Variants in INVS observed in about 807,000 individuals in gnomAD.
INVS encodes inversin, also known as inversion of embryo turning homolog.
INVS carries 86 observed loss-of-function variants against 108.8 expected under a neutral mutation model. That is an observed-to-expected ratio of 0.79 (90% CI 0.66 to 0.95). The LOEUF (loss-of-function observed/expected upper bound fraction) is 0.95, where lower values mean the gene tolerates loss of function less well. INVS is among the 40% of genes least tolerant of loss of function. The pLI is 0.00. For missense variants in INVS, 1,169 were observed against 1,297.4 expected, an observed-to-expected ratio of 0.90 and a Z score of 1.52; for synonymous variants, 455 against 473.5, an observed-to-expected ratio of 0.96 and a Z score of 0.51.
At chr9:100,190,369 G>A (rs989720624) in intron 3 of INVS, among the ~76,000 whole-genome samples, 2 of 152,074 alleles carry the variant, frequency 1.3e-5, no homozygotes, top group East Asian at 1.9e-4. Context: ...TACATTTAAC[G>A]TTAATATTGA....
At chr9:100,121,275 T>C (rs1219665276) in intron 2 of INVS, among the ~76,000 whole-genome samples, 2 of 152,070 alleles carry the variant, frequency 1.3e-5, no homozygotes, top group East Asian at 3.9e-4. Context: ...ATTTGCAAAA[T>C]CCCTTCATAT....
chr9:100,157,675 A>G (rs944666267), intron 3 of INVS, among the ~76,000 whole-genome samples: 6 of 152,322 alleles, frequency 3.9e-5, no homozygotes, highest in African/African-American at 1.2e-4. Context: ...AAAAAGTTCA[A>G]AAACAGACTT....
In INVS at chr9:100,246,034, A is replaced by T. The variant is rs541139762; in HGVS notation, c.907-582A>T. Among the ~76,000 whole-genome samples the T allele has an allele frequency of 2.1e-4, 32 of 151,362 alleles. No homozygotes were observed. In the East Asian group the frequency reaches 6.1e-3, roughly 29 times the overall value. ...ACAAAAATTAGCCGGGTGTGATGAC[A>T]CTCAGCTACTTGGGAGGCTGAGGCA... is the stretch of plus-strand genomic sequence containing the variant. On this transcript the variant is annotated intron_variant, in intron 7 of 16. Coordinates refer to ENST00000262457, the MANE Select transcript of INVS (RefSeq NM_014425.5).
At position 100,213,264 on chromosome 9, in the gene INVS, T is replaced by C. The variant is rs2118314576; in HGVS notation, c.274-12798T>C. Among the ~76,000 whole-genome samples, 2 of 152,226 alleles carry C rather than the reference T, an allele frequency of 1.3e-5. 1 individual carries two copies. Among genetic ancestry groups the C allele is most frequent in the South Asian group, 4.2e-4 (2 of 4,818 alleles). On this transcript the variant is annotated intron_variant, in intron 3 of 16. Transcript: ENST00000262457. ...GTAGCACTCCTTTTTACCAATATGA[T>C]CAACTTTAGGCTCCTTATCATAACA...
chr9:100,217,932 C>T (rs1352595692), intron 3 of INVS, among the ~76,000 whole-genome samples: 3 of 151,940 alleles, frequency 2.0e-5, no homozygotes, highest in African/African-American at 7.3e-5. Flanking sequence ...TATATACTTC[C>T]TAGGGATAGT....
At chr9:100,295,441 TA>T (rs1588152756) in intron 14 of INVS, among the ~76,000 whole-genome samples, 2 of 152,296 alleles carry the variant, frequency 1.3e-5, no homozygotes. Flanking sequence ...TTGATTCTAT[TA>T]TATTTTAACT....
chr9:100,180,086 A>G (rs996609870), intron 3 of INVS, among the ~76,000 whole-genome samples: 3 of 152,182 alleles, frequency 2.0e-5, no homozygotes, highest in Non-Finnish European at 4.4e-5. Flanking sequence ...GTTCCTTGAA[A>G]CCAATAAGAG....
At chr9:100,253,956 G>C (rs960463093) in intron 10 of INVS, among the ~76,000 whole-genome samples, 2 of 152,140 alleles carry the variant, frequency 1.3e-5, no homozygotes, top group Non-Finnish European at 2.9e-5. Flanking sequence ...GGGTCAAATG[G>C]TATTTCTAGT....
At chr9:100,185,096 G>C (rs1314040269) in intron 3 of INVS, among the ~76,000 whole-genome samples, 2 of 152,086 alleles carry the variant, frequency 1.3e-5, no homozygotes, top group African/African-American at 4.8e-5. Flanking sequence ...TTTCCTTTTT[G>C]AGGGCTTACA....
At chr9:100,287,083 T>C (rs952887654) in intron 13 of INVS, among the ~76,000 whole-genome samples, 1 of 152,238 alleles carries the variant, frequency 6.6e-6, no homozygotes, top group African/African-American at 2.4e-5. Flanking sequence ...CTTCATCTGG[T>C]CTCACTCATG....
intron 1 of INVS, among the ~76,000 whole-genome samples, chr9:100,104,279 G>C (rs1827100340): frequency 6.6e-6 from 1 of 152,078 alleles, no homozygotes; most frequent in Non-Finnish European, 1.5e-5. Context: ...TGCCCAGGCT[G>C]CTCTCAAACT....
At chr9:100,108,159 C>T (rs1827234784) in intron 2 of INVS, among the ~76,000 whole-genome samples, 1 of 152,044 alleles carries the variant, frequency 6.6e-6, no homozygotes, top group African/African-American at 2.4e-5. Flanking sequence ...ATTAAAAACA[C>T]TTATATTTTT....
At chr9:100,271,871 AT>A (rs775899820) in intron 11 of INVS, among the ~76,000 whole-genome samples, 218 of 145,060 alleles carry the variant, frequency 1.5e-3, no homozygotes, top group Middle Eastern at 3.7e-3. Context: ...GGTTTCCGAA[AT>A]TTTTTTTTTT....
At chr9:100,116,107 C>CT (rs200846946) in intron 2 of INVS, among the ~76,000 whole-genome samples, 50 of 128,724 alleles carry the variant, frequency 3.9e-4, no homozygotes, top group Admixed American at 8.7e-4. Context: ...TCTTTTTTTT[C>CT]TTTTTTTTTT....
intron 12 of INVS, among the ~76,000 whole-genome samples, chr9:100,282,734 G>A (rs1443250967): frequency 6.6e-6 from 1 of 152,158 alleles, no homozygotes; most frequent in Non-Finnish European, 1.5e-5. Flanking sequence ...GCTCATGTGT[G>A]AGCAAGGTGG....
At chr9:100,228,908 T>C (rs773029594) in intron 4 of INVS, among the ~76,000 whole-genome samples, 4 of 152,226 alleles carry the variant, frequency 2.6e-5, no homozygotes, top group Non-Finnish European at 4.4e-5. Flanking sequence ...CTGCGGATAG[T>C]GTCAAACCCA....
chr9:100,115,862 A>C (rs1302436276), intron 2 of INVS, among the ~76,000 whole-genome samples: 1 of 152,154 alleles, frequency 6.6e-6, no homozygotes, highest in Non-Finnish European at 1.5e-5. Flanking sequence ...ATCCCTCAGG[A>C]ATCGCCACAC....
intron 10 of INVS, among the ~76,000 whole-genome samples, chr9:100,255,139 T>C (rs1832373788): frequency 6.6e-6 from 1 of 152,188 alleles, no homozygotes; most frequent in Middle Eastern, 3.2e-3. Flanking sequence ...TCACATCCCT[T>C]GTAAGCTGGA....
At chr9:100,198,915 C>A (rs1830462851) in intron 3 of INVS, among the ~76,000 whole-genome samples, 1 of 152,014 alleles carries the variant, frequency 6.6e-6, no homozygotes, top group African/African-American at 2.4e-5. Context: ...TATATAATGT[C>A]CCTCAATTTG....
Sources: gnomAD v4.1 joint callset for allele counts (sites outside exome capture counted in the v4.1 genomes callset) on GRCh38, gnomAD v4.1.1 for gene constraint, MANE v1.5 for transcripts, NCBI Gene and HGNC (gene_info 2026-07-23, HGNC 2026-07-21) for gene names.